ZNF487: variants seen among roughly 807,000 people sequenced by gnomAD.
The protein encoded by ZNF487 is zinc finger protein 487, also known as KRAB domain only 1.
ZNF487 carries 4 observed loss-of-function variants against 3.0 expected under a neutral mutation model. That is an observed-to-expected ratio of 1.35 (90% CI 0.66 to 3.08). The LOEUF (loss-of-function observed/expected upper bound fraction) is 3.08, where lower values mean the gene tolerates loss of function less well. Ranked by LOEUF, ZNF487 falls within the 30% of genes most tolerant of loss-of-function variation. The pLI is 0.01. For missense variants in ZNF487, 146 were observed against 98.7 expected (o/e 1.48, Z -2.03); for synonymous variants, 55 against 34.6 (o/e 1.59, Z -2.06).
At chr10:43,437,544 T>C (rs1435828550) in intron 1 of ZNF487, among the ~76,000 whole-genome samples, 1 of 151,652 alleles carries the variant, frequency 6.6e-6, no homozygotes, top group Non-Finnish European at 1.5e-5. Context: ...ACCCTGGACC[T>C]AGGAGGCATG....
chr10:43,489,594 T>TC, the ZNF487 span, among the ~76,000 whole-genome samples: 1 of 152,136 alleles, frequency 6.6e-6, no homozygotes, highest in Non-Finnish European at 1.5e-5. Context: ...CCCCAGGTAA[T>TC]CTTCCTGCCT....
chr10:43,494,010 G>A, the ZNF487 span, among the ~76,000 whole-genome samples: 18 of 149,922 alleles, frequency 1.2e-4, 1 homozygote, highest in South Asian at 8.4e-4. Flanking sequence ...CAGCTTAGGC[G>A]GCAGAACAAG....
chr10:43,477,484 T>C (rs1298351373), intron 3 of ZNF487, among the ~76,000 whole-genome samples: 1 of 151,916 alleles, frequency 6.6e-6, no homozygotes, highest in African/African-American at 2.4e-5. Flanking sequence ...TGTGAGCCAC[T>C]GCGCCTGGCT....
intron 1 of ZNF487, among the ~76,000 whole-genome samples, chr10:43,472,354 T>A (rs2393954): frequency 0.46 from 69,814 of 151,878 alleles, 18,486 homozygotes; most frequent in East Asian, 0.73. Flanking sequence ...GCAGACCCCT[T>A]GGAATTATTT....
At chr10:43,484,627 T>A (rs1348395171), downstream of ZNF487, among the ~76,000 whole-genome samples, 1 of 152,146 alleles carries the variant, frequency 6.6e-6, no homozygotes, top group African/African-American at 2.4e-5. Context: ...TTTCGTGATT[T>A]CTTTATTCCT....
chr10:43,474,841 C>A (rs1271198947), intron 1 of ZNF487, among the ~76,000 whole-genome samples: 1 of 151,986 alleles, frequency 6.6e-6, no homozygotes, highest in Non-Finnish European at 1.5e-5. Flanking sequence ...CCTTGGCCAC[C>A]CAAAGTGCTG....
chr10:43,436,870 G>T (rs181151975), upstream of ZNF487: 6 of 468,962 alleles, frequency 1.3e-5, no homozygotes, highest in Admixed American at 2.4e-5. Flanking sequence ...GCCCAGCCGC[G>T]GTCCCAGCGA....
At chr10:43,474,344 C>T (rs1564425977) in intron 1 of ZNF487, among the ~76,000 whole-genome samples, 1 of 151,868 alleles carries the variant, frequency 6.6e-6, no homozygotes, top group Non-Finnish European at 1.5e-5. Flanking sequence ...ACCCCAGCTA[C>T]TCAGGAGGCT....
At chr10:43,440,239 G>A (rs61859003) in intron 1 of ZNF487, among the ~76,000 whole-genome samples, 4,229 of 151,732 alleles carry the variant, frequency 0.028, 93 homozygotes, top group South Asian at 0.041. Flanking sequence ...TAGTAGAGAC[G>A]GGCTTTTGGC....
chr10:43,474,916 A>G (rs1841037910), intron 1 of ZNF487, among the ~76,000 whole-genome samples: 1 of 151,964 alleles, frequency 6.6e-6, no homozygotes, highest in South Asian at 2.1e-4. Flanking sequence ...TTTAAAAAAT[A>G]TCAATTCTAC....
intron 1 of ZNF487, among the ~76,000 whole-genome samples, chr10:43,459,586 T>G (rs771480246): frequency 3.9e-5 from 6 of 151,968 alleles, no homozygotes; most frequent in Non-Finnish European, 8.8e-5. Flanking sequence ...AAAAAAAAAT[T>G]TTTAAGTCAG....
chr10:43,444,116 G>A (rs970190848), intron 1 of ZNF487, among the ~76,000 whole-genome samples: 2 of 152,036 alleles, frequency 1.3e-5, no homozygotes, highest in African/African-American at 4.8e-5. Flanking sequence ...GCCTCCCAAA[G>A]TGCTGAGATT....
intron 1 of ZNF487, among the ~76,000 whole-genome samples, chr10:43,466,389 T>C (rs1420129831): frequency 6.6e-6 from 1 of 151,414 alleles, no homozygotes; most frequent in Non-Finnish European, 1.5e-5. Context: ...TGTTTTCTTT[T>C]CTTTTTTTCT....
At chr10:43,500,403 G>A in the ZNF487 span, among the ~76,000 whole-genome samples, 1 of 152,056 alleles carries the variant, frequency 6.6e-6, no homozygotes, top group Admixed American at 6.6e-5. Context: ...TCCAGTCTGG[G>A]TGACAGAGTG....
At chr10:43,450,896 A>AT (rs1372029651) in intron 1 of ZNF487, among the ~76,000 whole-genome samples, 1 of 152,138 alleles carries the variant, frequency 6.6e-6, no homozygotes, top group Non-Finnish European at 1.5e-5. Context: ...CTAGTAATAC[A>AT]TTTGGAGCCA....
chr10:43,505,628 T>TA, the ZNF487 span, among the ~76,000 whole-genome samples: 2 of 152,096 alleles, frequency 1.3e-5, no homozygotes, highest in Non-Finnish European at 2.9e-5. Flanking sequence ...CATTGTCTTA[T>TA]AATTACTGTT....
At chr10:43,438,378 G>T (rs1326881102) in intron 1 of ZNF487, among the ~76,000 whole-genome samples, 1 of 152,122 alleles carries the variant, frequency 6.6e-6, no homozygotes, top group Non-Finnish European at 1.5e-5. Context: ...TAGAGACAGG[G>T]TTTTGCCTTG....
At chr10:43,492,490 C>T in the ZNF487 span, among the ~76,000 whole-genome samples, 3 of 151,272 alleles carry the variant, frequency 2.0e-5, no homozygotes, top group South Asian at 2.1e-4. Context: ...CTCGCTCTAT[C>T]GCCCAGGCTG....
intron 3 of ZNF487, among the ~76,000 whole-genome samples, chr10:43,476,497 C>G (rs1674394992): frequency 6.6e-6 from 1 of 152,056 alleles, no homozygotes. Flanking sequence ...CAGTTATCTT[C>G]TTTTCATCAT....
Sources: gnomAD v4.1 joint callset for allele counts (sites outside exome capture counted in the v4.1 genomes callset) on GRCh38, gnomAD v4.1.1 for gene constraint, MANE v1.5 for transcripts, NCBI Gene and HGNC (gene_info 2026-07-23, HGNC 2026-07-21) for gene names.